The following AGBL2 variants were observed in gnomAD, a reference collection of about 807,000 sequenced individuals.
AGBL2 encodes AGBL carboxypeptidase 2.
Under a neutral mutation model 103.0 loss-of-function variants are expected in AGBL2, and 87 were observed. The observed-to-expected ratio is 0.84, with a 90% CI of 0.71 to 1.01. The LOEUF (loss-of-function observed/expected upper bound fraction) is 1.01. AGBL2 is among the 50% of genes least tolerant of loss of function. The pLI is 0.00. For synonymous variants in AGBL2, 335 were observed against 356.7 expected, an observed-to-expected ratio of 0.94 and a Z score of 0.69; for missense variants, 904 against 1,023.5, an observed-to-expected ratio of 0.88 and a Z score of 1.59.
chr11:47,696,798 T>C (rs1263533969), intron 8 of AGBL2, among the ~76,000 whole-genome samples: 1 of 152,194 alleles, frequency 6.6e-6, no homozygotes, highest in African/African-American at 2.4e-5. Context: ...TTTTGATAAT[T>C]TGTGCCTCTT....
chr11:47,689,337 C>G (rs1025301546), intron 10 of AGBL2, among the ~76,000 whole-genome samples: 2 of 140,452 alleles, frequency 1.4e-5, no homozygotes, highest in African/African-American at 2.6e-5. Context: ...TGGAGTCTCA[C>G]TCTGCCACCC....
intron 17 of AGBL2, among the ~76,000 whole-genome samples, chr11:47,665,247 A>T (rs572814706): frequency 6.6e-6 from 1 of 151,538 alleles, no homozygotes; most frequent in Non-Finnish European, 1.5e-5. Flanking sequence ...GGGTTTCACC[A>T]TGTTGGCCAG....
In AGBL2 at chr11:47,668,864, G is replaced by T. The variant is rs1330064421; in HGVS notation, c.2191C>A (p.His731Asn). Residue 731 changes from histidine to asparagine, a missense_variant, in exon 15 of 19, where the codon CAC becomes AAC. Physicochemically the swap from His to Asn is moderately conservative, Grantham distance 68. Transcript: ENST00000525123. ...ACCTCATCTGCTATGTTTGCTAGGTGAACAGGAAGACCATCTGAGAGAGAA... is the reference window on the plus strand; with the variant it reads ...ACCTCATCTGCTATGTTTGCTAGGTTAACAGGAAGACCATCTGAGAGAGAA... ...DSSLSDGLPV[H>N]LANIADELTQ... 1.2e-6 allele frequency: 2 copies of T among 1,613,338 alleles called. No homozygotes were observed. Among genetic ancestry groups the T allele is most frequent in the South Asian group, 1.1e-5 (1 of 91,040 alleles).
At chr11:47,684,858 C>T (rs971946551) in intron 11 of AGBL2, among the ~76,000 whole-genome samples, 2 of 152,154 alleles carry the variant, frequency 1.3e-5, no homozygotes, top group Non-Finnish European at 2.9e-5. Flanking sequence ...CCTTCAATCT[C>T]TTCTTCCAGG....
At chr11:47,704,316 C>A (rs970774153) in intron 7 of AGBL2, among the ~76,000 whole-genome samples, 1 of 151,052 alleles carries the variant, frequency 6.6e-6, no homozygotes, top group African/African-American at 2.4e-5. Context: ...CCCGTCTCTA[C>A]TTAAAAATGC....
chr11:47,676,532 G>A (rs1420223742), intron 14 of AGBL2, among the ~76,000 whole-genome samples: 2 of 152,130 alleles, frequency 1.3e-5, no homozygotes, highest in African/African-American at 4.8e-5. Flanking sequence ...ACTAAAACCT[G>A]TCTGGGGCCG....
intron 9 of AGBL2, among the ~76,000 whole-genome samples, chr11:47,691,256 T>C (rs1323994007): frequency 6.6e-6 from 1 of 151,770 alleles, no homozygotes; most frequent in East Asian, 1.9e-4. Context: ...AGAGCAAGAC[T>C]CCATCTTGAG....
At chr11:47,669,725 T>C (rs963376574) in intron 14 of AGBL2, among the ~76,000 whole-genome samples, 1 of 151,850 alleles carries the variant, frequency 6.6e-6, no homozygotes, top group Admixed American at 6.6e-5. Flanking sequence ...AGTCTCCCTA[T>C]GTCAACGTCT....
Position 47,677,354 on chromosome 11 carries a change from G to C in AGBL2, c.2064C>G (p.Ile688Met). 1 of 1,610,848 alleles carries C rather than the reference G, an allele frequency of 6.2e-7. No individual in the cohort carries two copies. ...GTCCAAGTTCATGGAATTTCTTGTG[G>C]ATTTCCTGTCGTAAAAGCTCCTTAA... is the stretch of plus-strand genomic sequence containing the variant. Reference protein sequence around the residue: ...AELKELLRQEIHKKFHELGQD... With the variant: ...AELKELLRQEMHKKFHELGQD... The change falls in exon 14 of 19, where the codon ATC (isoleucine) becomes ATG (methionine). Residue 688 changes from isoleucine (I) to methionine (M), a missense_variant. Ile to Met is a conservative substitution (Grantham distance 10). Transcript: ENST00000525123.
intron 6 of AGBL2, 73 bp from the exon 7 acceptor site, chr11:47,704,801 A>G: frequency 1.7e-6 from 2 of 1,189,586 alleles, no homozygotes; most frequent in South Asian, 2.7e-5. Context: ...ATCTATAACA[A>G]TGAAACTATT....
chr11:47,686,329 C>G (rs2097423443), intron 10 of AGBL2, among the ~76,000 whole-genome samples: 1 of 152,006 alleles, frequency 6.6e-6, no homozygotes, highest in South Asian at 2.1e-4. Context: ...AGTGTAGTGG[C>G]CTGACCATGG....
At chr11:47,662,332 C>T (rs1334392319) in intron 18 of AGBL2, among the ~76,000 whole-genome samples, 4 of 151,278 alleles carry the variant, frequency 2.6e-5, no homozygotes, top group Non-Finnish European at 5.9e-5. Flanking sequence ...CACCACTACA[C>T]CCAGCTAATT....
chr11:47,673,044 AT>A (rs1164012054), intron 14 of AGBL2, among the ~76,000 whole-genome samples: 6 of 152,170 alleles, frequency 3.9e-5, no homozygotes, highest in African/African-American at 1.4e-4. Flanking sequence ...GAGATCCTGA[AT>A]GCTAAATTAA....
rs761539541 is a variant in AGBL2, at chr11:47,710,530, A to G, written c.98-19T>C. 1.3e-5 allele frequency: 21 copies of G among 1,613,394 alleles called. No individual in the cohort carries two copies. Among genetic ancestry groups the G allele is most frequent in the Non-Finnish European group, 1.7e-5 (20 of 1,179,978 alleles). ...CTCTGAGCTAAAAATTGGCAGTTTA[A>G]TTAAAGTTGCTGGAAGGCCGACTCA... On this transcript the variant is annotated intron_variant, in intron 3 of 18. Coordinates refer to ENST00000525123, the MANE Select transcript of AGBL2 (RefSeq NM_024783.4).
rs2097324649 is a variant in AGBL2 at position 47,660,266 on chromosome 11, C to T, written c.2616G>A (p.Lys872=). 1.9e-6 allele frequency: 3 copies of T among 1,614,110 alleles called. No individual in the cohort carries two copies. Among genetic ancestry groups the T allele is most frequent in the Non-Finnish European group, 2.5e-6 (3 of 1,180,054 alleles). ...NSSQEPAPGM[K]PNWPRSRYPA... Reference sequence around the variant, plus strand: ...GATATCTGCTCCTAGGCCAGTTTGGCTTCATACCTGGAGCTGGCTCTTGGC... The same window carrying T: ...GATATCTGCTCCTAGGCCAGTTTGGTTTCATACCTGGAGCTGGCTCTTGGC... Residue 872 remains lysine, a synonymous_variant, in exon 19 of 19, where the codon AAG becomes AAA. Coordinates refer to ENST00000525123, the MANE Select transcript of AGBL2 (RefSeq NM_024783.4).
At chr11:47,673,486 G>A (rs550484012) in intron 14 of AGBL2, among the ~76,000 whole-genome samples, 4 of 152,186 alleles carry the variant, frequency 2.6e-5, no homozygotes, top group East Asian at 3.9e-4. Context: ...TTAGCCAGGC[G>A]TGGTGGCACA....
At chr11:47,704,224 G>A (rs980421736) in intron 7 of AGBL2, among the ~76,000 whole-genome samples, 1 of 152,092 alleles carries the variant, frequency 6.6e-6, no homozygotes, top group African/African-American at 2.4e-5. Flanking sequence ...GCTTATGCCT[G>A]TAATCCCAGC....
chr11:47,668,787 T>C, intron 15 of AGBL2, 54 bp downstream of exon 15: 4 of 1,360,054 alleles, frequency 2.9e-6, no homozygotes, highest in South Asian at 1.2e-5. Context: ...TGTCTGGTAG[T>C]GTCATGACTT....
At chr11:47,681,639 T>C (rs532647075) in intron 12 of AGBL2, among the ~76,000 whole-genome samples, 2 of 152,282 alleles carry the variant, frequency 1.3e-5, no homozygotes, top group African/African-American at 4.8e-5. Context: ...AGCTAATTTT[T>C]AGTAGAGATG....
Sources: gnomAD v4.1 joint callset for allele counts (sites outside exome capture counted in the v4.1 genomes callset) on GRCh38, gnomAD v4.1.1 for gene constraint, MANE v1.5 for transcripts, NCBI Gene and HGNC (gene_info 2026-07-23, HGNC 2026-07-21) for gene names.